The following REV1 variants were observed in gnomAD, a reference collection of about 807,000 sequenced individuals.
REV1 encodes the protein REV1 DNA directed polymerase, also known as translesion synthesis protein REV1.
REV1 carries 42 observed loss-of-function variants against 137.4 expected under a neutral mutation model. The observed-to-expected ratio is 0.31, with a 90% CI of 0.24 to 0.40. REV1 has a LOEUF of 0.40. REV1 is among the 10% of genes least tolerant of loss of function. The pLI, the probability that REV1 is intolerant of heterozygous loss-of-function variation, is 1.00. For missense variants in REV1, 1,282 were observed against 1,490.1 expected (o/e 0.86, Z 2.30); for synonymous variants, 524 against 519.2 (o/e 1.01, Z -0.12).
intron 1 of REV1, among the ~76,000 whole-genome samples, chr2:99,468,133 T>C (rs1426000121): frequency 6.6e-6 from 1 of 150,718 alleles, no homozygotes; most frequent in Non-Finnish European, 1.5e-5. Context: ...TGAGCCGAGA[T>C]TGCACCATTG....
intron 5 of REV1, 57 bp downstream of exon 5, chr2:99,442,260 A>G: frequency 2.3e-6 from 3 of 1,295,052 alleles, no homozygotes; most frequent in Non-Finnish European, 1.0e-6. Context: ...CTCAAAAAAA[A>G]AAAAAAAAAA....
At chr2:99,414,458 A>C (rs1214852547) in intron 12 of REV1, among the ~76,000 whole-genome samples, 1 of 146,190 alleles carries the variant, frequency 6.8e-6, no homozygotes, top group East Asian at 2.0e-4. Context: ...TAACAATTTA[A>C]AAAAAAAAAA....
intron 8 of REV1, among the ~76,000 whole-genome samples, chr2:99,432,875 A>G (rs560411582): frequency 1.3e-5 from 2 of 152,316 alleles, no homozygotes; most frequent in South Asian, 4.1e-4. Context: ...TAAGATTGTA[A>G]CAGAAGAAAA....
At chr2:99,410,628 T>C in intron 14 of REV1, 67 bp downstream of exon 14, 1 of 1,375,182 alleles carries the variant, frequency 7.3e-7, no homozygotes, top group Non-Finnish European at 9.9e-7. Context: ...GTTTTCTTCA[T>C]TTTCTATTAC....
intron 18 of REV1, 94 bp from the exon 19 acceptor site, chr2:99,403,909 TCA>T: frequency 6.8e-7 from 1 of 1,461,178 alleles, no homozygotes. Flanking sequence ...TTTTCAAATC[TCA>T]CTTTTCTGAT....
chr2:99,484,364 C>G (rs1686930874), intron 1 of REV1, among the ~76,000 whole-genome samples: 1 of 152,192 alleles, frequency 6.6e-6, no homozygotes, highest in African/African-American at 2.4e-5. Flanking sequence ...ATATGTACCC[C>G]AGAACCTAAG....
rs150869325 is a variant in REV1, at chr2:99,403,634, A to G, written c.3166+61T>C. On this transcript the variant is annotated intron_variant, in intron 19 of 22. Transcript: ENST00000258428. ...GCCCATTATATACTGCAATAATTAG[A>G]CAACAGTGACTCCATTACTCTTTGT... 3 of 1,611,222 alleles carry G rather than the reference A, an allele frequency of 1.9e-6. No homozygotes were observed. In the African/African-American group the frequency reaches 4.0e-5, roughly 21 times the overall value.
At chr2:99,419,098 T>C (rs1678288282) in intron 11 of REV1, 151 bp from the exon 12 acceptor site, 1 of 686,422 alleles carries the variant, frequency 1.5e-6, no homozygotes, top group Middle Eastern at 4.2e-4. Context: ...TTTTGCTAAG[T>C]ATTTAGATTA....
chr2:99,477,690 A>G (rs555766608), intron 1 of REV1, among the ~76,000 whole-genome samples: 45 of 152,256 alleles, frequency 3.0e-4, no homozygotes, highest in Non-Finnish European at 5.0e-4. Context: ...TATAACAAAC[A>G]TTTGTATGTC....
Position 99,403,889 on chromosome 2 carries a change from A to C in REV1, c.3046-74T>G, listed in dbSNP as rs527809671. On this transcript the variant is annotated intron_variant, in intron 18 of 22. Transcript: ENST00000258428. ...GTAGCTGGTTTCTCTTTTTCACAAA[A>C]CAGACTTTGTTTTCAAATCTCACTT... 4 of 1,546,322 alleles carry C rather than the reference A, an allele frequency of 2.6e-6. No homozygotes were observed. The East Asian group carries it at 7.1e-5, about 27-fold the overall frequency.
chr2:99,454,328 T>C (rs1332782387), intron 3 of REV1, among the ~76,000 whole-genome samples: 1 of 151,826 alleles, frequency 6.6e-6, no homozygotes, highest in East Asian at 1.9e-4. Flanking sequence ...AGCGGGTGGA[T>C]CCTCTGAGGT....
Position 99,402,675 on chromosome 2 carries a change from G to A in REV1, c.3510C>T (p.Thr1170=). The change falls in exon 21 of 23, where the codon ACC becomes ACT. Residue 1170 remains threonine, a synonymous_variant. Coordinates refer to ENST00000258428, the MANE Select transcript of REV1 (RefSeq NM_016316.4). ...AGAVEFNDVK[T]LLREWITTIS... ...TTGTAGTTATCCATTCTCTGAGCAA[G>A]GTCTTCACATCATTGAATTCAACAG... 1 of 1,614,130 alleles carries A rather than the reference G, an allele frequency of 6.2e-7. No individual in the cohort carries two copies. The highest frequency in any genetic ancestry group is 8.5e-7 in the Non-Finnish European group (1 of 1,180,024).
intron 1 of REV1, among the ~76,000 whole-genome samples, chr2:99,465,260 T>C (rs1189688345): frequency 6.6e-6 from 1 of 152,228 alleles, no homozygotes; most frequent in South Asian, 2.1e-4. Flanking sequence ...GCACCAATCC[T>C]AACATTCACT....
intron 12 of REV1, among the ~76,000 whole-genome samples, chr2:99,418,453 T>C (rs1400470630): frequency 2.0e-5 from 3 of 152,200 alleles, no homozygotes; most frequent in African/African-American, 7.2e-5. Context: ...CAGCATGACA[T>C]AGGAGAATCG....
chr2:99,463,516 A>C (rs185866075), intron 2 of REV1, among the ~76,000 whole-genome samples: 27 of 152,374 alleles, frequency 1.8e-4, no homozygotes, highest in Admixed American at 1.6e-3. Context: ...GCAAAACTGC[A>C]TATCAAAACA....
In REV1 at chr2:99,449,339, T is replaced by G. The variant is rs1682648136; in HGVS notation, c.347A>C (p.Glu116Ala). The G allele has an allele frequency of 6.7e-7, 1 of 1,503,696 alleles. No homozygotes were observed. Among genetic ancestry groups the G allele is most frequent in the African/African-American group, 1.4e-5 (1 of 69,550 alleles). The allele number at this position is 1,503,696 out of a possible 1,614,324, so 93.1% of individuals were successfully genotyped here. Residue 116 changes from glutamate to alanine, a missense_variant, in exon 4 of 23, where the codon GAA becomes GCA. Physicochemically the swap from Glu to Ala is moderately radical, Grantham distance 107. Coordinates refer to ENST00000258428, the MANE Select transcript of REV1 (RefSeq NM_016316.4). Reference protein sequence around the residue: ...EKVIRPEWIVESIKAGRLLSY... With the variant: ...EKVIRPEWIVASIKAGRLLSY... The stretch of plus-strand genomic sequence containing the variant: ...AAATTTAATAAATTAAACTTACCTT[T>G]CCACAATCCATTCTGGTCGAATTAC...
At chr2:99,420,090 AT>A (rs1374328791) in intron 11 of REV1, among the ~76,000 whole-genome samples, 1 of 152,234 alleles carries the variant, frequency 6.6e-6, no homozygotes, top group African/African-American at 2.4e-5. Context: ...AAACAAAAAA[AT>A]AAAATTGTGC....
intron 1 of REV1, among the ~76,000 whole-genome samples, chr2:99,467,258 A>C (rs956741546): frequency 7.2e-5 from 11 of 152,126 alleles, no homozygotes; most frequent in African/African-American, 2.7e-4. Flanking sequence ...ACAAAAACAA[A>C]AATTAAAAAA....
chr2:99,484,751 C>T (rs1686969237), intron 1 of REV1, among the ~76,000 whole-genome samples: 1 of 151,872 alleles, frequency 6.6e-6, no homozygotes, highest in African/African-American at 2.4e-5. Flanking sequence ...GTTAACAACA[C>T]ACACTCACAA....
Sources: gnomAD v4.1 joint callset for allele counts (sites outside exome capture counted in the v4.1 genomes callset) on GRCh38, gnomAD v4.1.1 for gene constraint, MANE v1.5 for transcripts, NCBI Gene and HGNC (gene_info 2026-07-23, HGNC 2026-07-21) for gene names.